Variants in TENM2 observed in about 807,000 individuals in gnomAD.
The protein encoded by TENM2 is teneurin-2.
Under a neutral mutation model 245.2 loss-of-function variants are expected in TENM2, and 52 were observed. The ratio of observed to expected loss-of-function variants is 0.21; its 90% confidence interval spans 0.17 to 0.27. The LOEUF (loss-of-function observed/expected upper bound fraction) is 0.27. Among genes scored for constraint, TENM2 ranks in the 10% least tolerant of loss-of-function variants. The pLI, the probability that TENM2 is intolerant of heterozygous loss-of-function variation, is 1.00. For synonymous variants in TENM2, 1,363 were observed against 1,438.9 expected (o/e 0.95, Z 1.19); for missense variants, 3,046 against 3,666.8 (o/e 0.83, Z 4.37).
At chr5:167,013,574 G>C in the TENM2 span, among the ~76,000 whole-genome samples, 1 of 152,144 alleles carries the variant, frequency 6.6e-6, no homozygotes, top group African/African-American at 2.4e-5. Context: ...AGGCATGGTG[G>C]TGCATGCCTG....
chr5:167,723,242 T>G (rs1481722351), intron 2 of TENM2, among the ~76,000 whole-genome samples: 1 of 152,144 alleles, frequency 6.6e-6, no homozygotes, highest in Non-Finnish European at 1.5e-5. Flanking sequence ...ATGGTGACTT[T>G]CCTTATATTC....
In TENM2 at chr5:168,089,189, G is replaced by A. The variant is rs949393189; in HGVS notation, c.1516-1385G>A. On this transcript the variant is annotated intron_variant, in intron 7 of 28. Transcript: ENST00000518659. Reference sequence around the variant, plus strand: ...TCATCTCTGTCCAGCCCATGGTCAAGCCCTGTCACCTCTTCCTTAGAAATG... The same window carrying A: ...TCATCTCTGTCCAGCCCATGGTCAAACCCTGTCACCTCTTCCTTAGAAATG... 9.2e-5 allele frequency among the ~76,000 whole-genome samples: 14 copies of A among 152,156 alleles called. 1 individual carries two copies. The South Asian group carries it at 2.9e-3, about 32-fold the overall frequency.
intron 3 of TENM2, among the ~76,000 whole-genome samples, chr5:167,925,392 G>A (rs577270791): frequency 2.0e-5 from 3 of 152,334 alleles, no homozygotes; most frequent in South Asian, 4.1e-4. Flanking sequence ...AAAGGGGCAC[G>A]AGGGAACTTT....
chr5:167,134,998 A>G, the TENM2 span, among the ~76,000 whole-genome samples: 1 of 152,238 alleles, frequency 6.6e-6, no homozygotes, highest in Non-Finnish European at 1.5e-5. Context: ...TACAAAATAC[A>G]GCAGAGTACA....
Position 167,466,908 on chromosome 5 carries a change from G to C in TENM2, c.502+91435G>C, listed in dbSNP as rs568305908. 3.3e-5 allele frequency among the ~76,000 whole-genome samples: 5 copies of C among 152,192 alleles called. No individual in the cohort carries two copies. In the South Asian group the frequency reaches 1.0e-3, roughly 32 times the overall value. Reference sequence around the variant, plus strand: ...ACAGTGATTCACCTGAAGTAGTTCGGACTTCGGGTGCTTTGCTGATTTTAG... The same window carrying C: ...ACAGTGATTCACCTGAAGTAGTTCGCACTTCGGGTGCTTTGCTGATTTTAG... On this transcript the variant is annotated intron_variant, in intron 2 of 28. Transcript: ENST00000518659.
intron 5 of TENM2, among the ~76,000 whole-genome samples, chr5:168,046,368 A>ATT: frequency 6.6e-6 from 1 of 152,330 alleles, no homozygotes; most frequent in East Asian, 1.9e-4. Context: ...GTCCAGTGGA[A>ATT]ATGCCAGACA....
intron 12 of TENM2, 31 bp from the exon 15 acceptor site, chr5:168,162,580 T>C (rs752726778): frequency 5.0e-6 from 8 of 1,607,902 alleles, no homozygotes; most frequent in Non-Finnish European, 6.8e-6. Context: ...CTCACGTCCC[T>C]CCTTCTCATC....
At chr5:167,615,002 G>T (rs766731053) in intron 2 of TENM2, among the ~76,000 whole-genome samples, 1 of 152,066 alleles carries the variant, frequency 6.6e-6, no homozygotes, top group Admixed American at 6.6e-5. Context: ...TGGGGGTTTG[G>T]CATTCTTCAT....
At chr5:167,344,324 A>AGG (rs1758328079) in intron 1 of TENM2, among the ~76,000 whole-genome samples, 1 of 143,910 alleles carries the variant, frequency 6.9e-6, no homozygotes, top group Non-Finnish European at 1.5e-5. Flanking sequence ...ATATATATAT[A>AGG]TATATAGATA....
At chr5:167,974,371 G>A (rs1782261944) in intron 4 of TENM2, among the ~76,000 whole-genome samples, 1 of 137,290 alleles carries the variant, frequency 7.3e-6, no homozygotes, top group Non-Finnish European at 1.6e-5. Context: ...AGGGAGGAAA[G>A]GAGGGAGAAG....
rs1777907682 is a variant in TENM2, at chr5:167,928,186, G to T, written c.713-24402G>T. ...GTAAGAATTATCTTTGTCATTTCTT[G>T]TCTCTCCTATTGGCATTTCCTTACC... On this transcript the variant is annotated intron_variant, in intron 3 of 28. Coordinates refer to ENST00000518659, the Ensembl canonical transcript of TENM2. Among the ~76,000 whole-genome samples the T allele has an allele frequency of 2.6e-5, 4 of 152,084 alleles. No individual in the cohort carries two copies. The South Asian group carries it at 8.3e-4, about 32-fold the overall frequency.
At chr5:167,488,516 G>A (rs1294241758) in intron 2 of TENM2, among the ~76,000 whole-genome samples, 3 of 152,098 alleles carry the variant, frequency 2.0e-5, no homozygotes, top group Non-Finnish European at 1.5e-5. Flanking sequence ...TGGCCTTCCA[G>A]GATGGTTTTG....
chr5:167,578,104 G>C (rs1466853128), intron 2 of TENM2, among the ~76,000 whole-genome samples: 1 of 152,224 alleles, frequency 6.6e-6, no homozygotes, highest in Non-Finnish European at 1.5e-5. Context: ...CCACTGGAGA[G>C]GGGTGATCTG....
intron 13 of TENM2, among the ~76,000 whole-genome samples, chr5:168,188,929 A>G (rs573333059): frequency 6.6e-6 from 1 of 152,296 alleles, no homozygotes; most frequent in South Asian, 2.1e-4. Context: ...TACAACAAAA[A>G]TACCATAGAC....
chr5:167,219,842 G>A, the TENM2 span, among the ~76,000 whole-genome samples: 5 of 152,148 alleles, frequency 3.3e-5, no homozygotes, highest in Non-Finnish European at 7.3e-5. Context: ...TGCCTGAAAC[G>A]CTTTCAACAC....
At chr5:168,090,266 T>C (rs956928713) in intron 7 of TENM2, among the ~76,000 whole-genome samples, 90 of 130,160 alleles carry the variant, frequency 6.9e-4, no homozygotes, top group African/African-American at 2.7e-3. Flanking sequence ...ACACACACGA[T>C]GCACACATAC....
At chr5:168,229,070 A>G (rs1764574377) in intron 25 of TENM2, among the ~76,000 whole-genome samples, 1 of 148,472 alleles carries the variant, frequency 6.7e-6, no homozygotes, top group South Asian at 2.1e-4. Flanking sequence ...ATGTATAATT[A>G]TATGTATAAT....
chr5:167,284,917 T>C (rs1390845664), exon 1 of TENM2: 2 of 1,551,686 alleles, frequency 1.3e-6, no homozygotes, highest in Non-Finnish European at 1.7e-6. Flanking sequence ...AGCTCCTCTC[T>C]GGACAGTGAG....
intron 7 of TENM2, among the ~76,000 whole-genome samples, chr5:168,085,855 C>A (rs1489969374): frequency 6.6e-6 from 1 of 152,212 alleles, no homozygotes; most frequent in African/African-American, 2.4e-5. Flanking sequence ...TGCAATCCCA[C>A]CAACTGCTGA....
Sources: gnomAD v4.1 joint callset for allele counts (sites outside exome capture counted in the v4.1 genomes callset) on GRCh38, gnomAD v4.1.1 for gene constraint, MANE v1.5 for transcripts, NCBI Gene and HGNC (gene_info 2026-07-23, HGNC 2026-07-21) for gene names.